The following PRDM9 variants were observed in gnomAD, a reference collection of about 807,000 sequenced individuals.
The protein encoded by PRDM9 is histone-lysine N-methyltransferase PRDM9.
Under a neutral mutation model 55.6 loss-of-function variants are expected in PRDM9, and 47 were observed. The ratio of observed to expected loss-of-function variants is 0.85; its 90% CI spans 0.67 to 1.08. PRDM9 has a LOEUF of 1.08. Ranked by LOEUF, PRDM9 falls within the 50% of genes least tolerant of loss-of-function variation. The probability of loss-of-function intolerance (pLI) is 0.00; values close to 1 mark genes in which losing one functional copy is unlikely to be tolerated. For missense variants in PRDM9, 867 were observed against 1,040.3 expected (o/e 0.83, Z 2.29); for synonymous variants, 312 against 375.7 (o/e 0.83, Z 1.96).
At chr5:23,515,722 T>C (rs1739197450) in intron 4 of PRDM9, among the ~76,000 whole-genome samples, 1 of 152,252 alleles carries the variant, frequency 6.6e-6, no homozygotes. Context: ...GTCTTCTCTT[T>C]TGCATATGTA....
chr5:23,514,803 T>C (rs1739172791), intron 4 of PRDM9, among the ~76,000 whole-genome samples: 1 of 151,998 alleles, frequency 6.6e-6, no homozygotes, highest in African/African-American at 2.4e-5. Context: ...CCTAATTACC[T>C]ACCAGTGGCT....
intron 8 of PRDM9, among the ~76,000 whole-genome samples, 194 bp from the exon 9 acceptor site, chr5:23,523,097 C>T (rs1739366765): frequency 6.6e-6 from 1 of 152,140 alleles, no homozygotes; most frequent in African/African-American, 2.4e-5. Flanking sequence ...GTGCATCCTC[C>T]CTGTGGAGCT....
In PRDM9 at chr5:23,522,757, GGC is replaced by G. The variant is rs1306990899; in HGVS notation, c.755_756del (p.Gly252AspfsTer11). 3.7e-6 allele frequency: 6 copies of G among 1,614,096 alleles called. No individual in the cohort carries two copies. Among genetic ancestry groups the G allele is most frequent in the Non-Finnish European group, 4.2e-6 (5 of 1,180,050 alleles). On this transcript the variant is annotated frameshift_variant, in exon 8 of 11. Transcript: ENST00000296682. LOFTEE classifies it high-confidence loss of function. ...LPPGLRIGPS[G>X]IPQAGLGVWN... ...CCCAGGGCTGAGAATTGGGCCATCA[GGC>G]ATCCCTCAGGCTGGGCTTGGAGTAT...
chr5:23,516,724 C>CTT (rs549115370), intron 4 of PRDM9, among the ~76,000 whole-genome samples: 2 of 119,958 alleles, frequency 1.7e-5, no homozygotes, highest in South Asian at 2.9e-4. Context: ...TTATAGTTTT[C>CTT]TTTTTTTTTT....
At chr5:23,510,404 A>C (rs1021976139) in intron 4 of PRDM9, among the ~76,000 whole-genome samples, 2 of 151,650 alleles carry the variant, frequency 1.3e-5, no homozygotes, top group Non-Finnish European at 2.9e-5. Flanking sequence ...TCCCTCTGTC[A>C]TCCAGGCTGG....
chr5:23,520,287 C>T (rs920812023), intron 5 of PRDM9, among the ~76,000 whole-genome samples: 17 of 142,722 alleles, frequency 1.2e-4, no homozygotes, highest in Admixed American at 1.1e-3. Context: ...ATCTCTTGAA[C>T]TTGGGAGGTG....
chr5:23,515,483 A>T (rs540696411), intron 4 of PRDM9, among the ~76,000 whole-genome samples: 58 of 152,244 alleles, frequency 3.8e-4, no homozygotes, highest in Non-Finnish European at 7.6e-4. Context: ...ACTCTGTTGA[A>T]TGTTTTCTTT....
rs745800729 is a variant in PRDM9, at chr5:23,527,613, G to T, written c.2525G>T (p.Arg842Leu). The T allele has an allele frequency of 5.2e-6, 8 of 1,523,860 alleles. No homozygotes were observed. The highest frequency in any genetic ancestry group is 2.7e-5 in the East Asian group (1 of 37,638). 94.4% of individuals were successfully genotyped at this position (1,523,860 alleles called of 1,614,324 possible). The change falls in exon 11 of 11, where the codon CGC becomes CTC. Residue 842 changes from arginine to leucine, a missense_variant. Arg to Leu is a moderately radical substitution (Grantham distance 102). This residue lies in a region of PRDM9 where 86 missense variants were observed against 73.6 expected (regional missense o/e 1.17). Coordinates refer to ENST00000296682, the MANE Select transcript of PRDM9 (RefSeq NM_020227.4). ...YVCRECGRGF[R>L]NKSHLLRHQR... The stretch of plus-strand genomic sequence containing the variant: ...TGCAGGGAGTGTGGGCGGGGCTTTC[G>T]CAATAAGTCACACCTCCTCAGACAC...
At chr5:23,517,215 A>G (rs566954750) in intron 4 of PRDM9, among the ~76,000 whole-genome samples, 1 of 149,034 alleles carries the variant, frequency 6.7e-6, no homozygotes, top group South Asian at 2.2e-4. Flanking sequence ...TGTTAAAGTG[A>G]TTTCCTTCTA....
intron 5 of PRDM9, among the ~76,000 whole-genome samples, chr5:23,519,654 C>G (rs1431984862): frequency 6.6e-6 from 1 of 152,060 alleles, no homozygotes; most frequent in Non-Finnish European, 1.5e-5. Context: ...AGCCACTGCA[C>G]CTGGTGAGAA....
chr5:23,525,699 C>G (rs548965143), intron 10 of PRDM9, among the ~76,000 whole-genome samples: 3 of 152,314 alleles, frequency 2.0e-5, no homozygotes, highest in Admixed American at 6.5e-5. Context: ...CACATCTTCT[C>G]TTTAACCACA....
chr5:23,507,420 C>T (rs537117160), upstream of PRDM9: 254 of 152,480 alleles, frequency 1.7e-3, no homozygotes, highest in Middle Eastern at 3.4e-3. Context: ...GCGGGAAGAG[C>T]CAGGCCCCTC....
rs1377445265 is a variant in PRDM9 at position 23,519,843 on chromosome 5, A to G, written c.352-1180A>G. On this transcript the variant is annotated intron_variant, in intron 5 of 10. Transcript: ENST00000296682. ...CAGATCACCCGAAGTCAGGAGTTCG[A>G]GACCAGCCTGGCCAACATGGTGAAA... 3.3e-5 allele frequency among the ~76,000 whole-genome samples: 5 copies of G among 151,846 alleles called. 1 individual carries two copies. Among genetic ancestry groups the G allele is most frequent in the African/African-American group, 1.2e-4 (5 of 41,366 alleles).
intron 4 of PRDM9, among the ~76,000 whole-genome samples, chr5:23,514,768 T>C (rs1188003659): frequency 6.6e-6 from 1 of 151,636 alleles, no homozygotes; most frequent in Non-Finnish European, 1.5e-5. Context: ...ATCCTAAGGG[T>C]CCCACCCTCA....
intron 4 of PRDM9, among the ~76,000 whole-genome samples, chr5:23,515,788 T>C (rs1739198761): frequency 6.6e-6 from 1 of 151,970 alleles, no homozygotes; most frequent in Non-Finnish European, 1.5e-5. Flanking sequence ...CATTGTGTAG[T>C]CTTGGCATCC....
chr5:23,518,027 G>A, intron 5 of PRDM9, 97 bp downstream of exon 5: 5 of 1,146,998 alleles, frequency 4.4e-6, no homozygotes, highest in Non-Finnish European at 6.6e-6. Flanking sequence ...AGGAACTAAT[G>A]CCTTCTTTTC....
rs549134286 is a variant in PRDM9 at position 23,527,044 on chromosome 5, C to T, written c.1956C>T (p.Leu652=). 22 of 593,214 alleles carry T rather than the reference C, an allele frequency of 3.7e-5. No individual in the cohort carries two copies. The East Asian group carries it at 4.9e-4, about 13-fold the overall frequency. 36.7% of individuals were successfully genotyped at this position (593,214 alleles called of 1,614,324 possible). ...GRGFSRQSVL[L]THQRRHTGEK... ...GCTTTAGCCGGCAGTCAGTCCTCCT[C>T]ACTCACCAGAGGAGACACACAGGGG... The change falls in exon 11 of 11, where the codon CTC becomes CTT. Residue 652 remains leucine, a synonymous_variant. Transcript: ENST00000296682.
At chr5:23,515,411 T>A (rs1739192336) in intron 4 of PRDM9, among the ~76,000 whole-genome samples, 2 of 152,216 alleles carry the variant, frequency 1.3e-5, no homozygotes, top group Admixed American at 1.3e-4. Flanking sequence ...CTCAGCAACA[T>A]TAACCCTTTA....
intron 4 of PRDM9, among the ~76,000 whole-genome samples, chr5:23,514,317 G>A (rs1205409270): frequency 6.6e-6 from 1 of 152,186 alleles, no homozygotes; most frequent in Non-Finnish European, 1.5e-5. Context: ...GCATGGTTGG[G>A]TTCTGGTGAG....
Sources: allele counts gnomAD v4.1 joint callset (sites outside exome capture counted in the v4.1 genomes callset), GRCh38; gene constraint gnomAD v4.1.1; regional missense constraint gnomAD v4.1.1; transcripts MANE v1.5; gene names NCBI Gene and HGNC (gene_info 2026-07-23, HGNC 2026-07-21).